Variants in PCED1B observed in about 807,000 individuals in gnomAD.
The protein encoded by PCED1B is PC-esterase domain-containing protein 1B.
For missense variants in PCED1B, 573 were observed against 573.9 expected, an observed-to-expected ratio of 1.00 and a Z score of 0.02; for synonymous variants, 251 against 246.1, an observed-to-expected ratio of 1.02 and a Z score of -0.19.
intron 1 of PCED1B, among the ~76,000 whole-genome samples, chr12:47,103,828 AGAGCACCT>A: frequency 6.6e-6 from 1 of 152,354 alleles, no homozygotes; most frequent in East Asian, 1.9e-4. Context: ...AAACTCCTGT[AGAGCACCT>A]GTGCACATAA....
intron 2 of PCED1B, among the ~76,000 whole-genome samples, chr12:47,117,131 C>T (rs976277841): frequency 2.0e-5 from 3 of 152,292 alleles, no homozygotes; most frequent in Non-Finnish European, 4.4e-5. Flanking sequence ...TACAGAAAGG[C>T]GTCACTGTGC....
At chr12:47,121,453 A>G (rs1251040643) in intron 2 of PCED1B, among the ~76,000 whole-genome samples, 5 of 152,368 alleles carry the variant, frequency 3.3e-5, no homozygotes, top group Admixed American at 2.0e-4. Flanking sequence ...CAAACTGAGT[A>G]TTTTAATTAA....
intron 1 of PCED1B, among the ~76,000 whole-genome samples, chr12:47,080,138 G>C: frequency 6.6e-6 from 1 of 152,114 alleles, no homozygotes; most frequent in African/African-American, 2.4e-5. Context: ...AGCGGGGAGG[G>C]GGCAGGGGTC....
chr12:47,089,488 A>ATATATATATG (rs1162227667), intron 1 of PCED1B, among the ~76,000 whole-genome samples: 3 of 93,464 alleles, frequency 3.2e-5, no homozygotes, highest in African/African-American at 7.6e-5. Context: ...ATATATATAT[A>ATATATATATG]TATATGTATA....
At chr12:47,219,050 A>G (rs1943392270) in intron 3 of PCED1B, among the ~76,000 whole-genome samples, 3 of 152,148 alleles carry the variant, frequency 2.0e-5, no homozygotes, top group Admixed American at 2.0e-4. Context: ...CTGAGGCAGG[A>G]GAATCACTTT....
chr12:47,139,454 G>C (rs1249595935), intron 2 of PCED1B, among the ~76,000 whole-genome samples: 1 of 152,164 alleles, frequency 6.6e-6, no homozygotes, highest in Non-Finnish European at 1.5e-5. Flanking sequence ...AAGTTTTTCA[G>C]GCAGAGGGAA....
intron 2 of PCED1B, among the ~76,000 whole-genome samples, chr12:47,202,088 CAAATA>C (rs1006026905): frequency 6.6e-6 from 1 of 152,108 alleles, no homozygotes; most frequent in African/African-American, 2.4e-5. Flanking sequence ...GTAAGCACCA[CAAATA>C]AAATATAAAT....
At chr12:47,080,571 G>A (rs1937648431) in intron 1 of PCED1B, among the ~76,000 whole-genome samples, 1 of 152,090 alleles carries the variant, frequency 6.6e-6, no homozygotes. Context: ...CCGGGAAATC[G>A]CCACGGGGAC....
At chr12:47,199,706 C>T (rs999068993) in intron 2 of PCED1B, among the ~76,000 whole-genome samples, 4 of 152,138 alleles carry the variant, frequency 2.6e-5, no homozygotes, top group Admixed American at 2.0e-4. Flanking sequence ...GACTTTGCAC[C>T]TTTCACAAAA....
intron 2 of PCED1B, among the ~76,000 whole-genome samples, chr12:47,186,412 G>A (rs2137632117): frequency 6.6e-6 from 1 of 152,128 alleles, no homozygotes; most frequent in South Asian, 2.1e-4. Context: ...AGATTCCTCT[G>A]GATGACATCT....
intron 2 of PCED1B, among the ~76,000 whole-genome samples, chr12:47,155,759 G>A (rs925186818): frequency 1.3e-5 from 2 of 152,146 alleles, no homozygotes; most frequent in Non-Finnish European, 2.9e-5. Context: ...GTTACTCTAC[G>A]GAATTGCTCT....
chr12:47,172,053 C>T (rs536246556), intron 2 of PCED1B, among the ~76,000 whole-genome samples: 1 of 152,156 alleles, frequency 6.6e-6, no homozygotes, highest in Non-Finnish European at 1.5e-5. Flanking sequence ...AGTGTGTGGA[C>T]CTTGGTAATA....
intron 2 of PCED1B, among the ~76,000 whole-genome samples, chr12:47,143,872 A>G (rs1013203639): frequency 4.6e-5 from 7 of 152,210 alleles, no homozygotes; most frequent in Admixed American, 2.0e-4. Context: ...ACATAGATAA[A>G]CAAAACAGAA....
intron 3 of PCED1B, among the ~76,000 whole-genome samples, chr12:47,219,986 T>C (rs1432821687): frequency 6.7e-6 from 1 of 149,330 alleles, no homozygotes; most frequent in Non-Finnish European, 1.5e-5. Flanking sequence ...GGAGGGAGGA[T>C]TGATTGAGCC....
chr12:47,236,510 G>T lies in PCED1B; in HGVS notation c.*148G>T. On this transcript the variant is annotated 3_prime_UTR_variant, in exon 4 of 4. Coordinates refer to ENST00000546455, the MANE Select transcript of PCED1B (RefSeq NM_138371.3). The stretch of plus-strand genomic sequence containing the variant: ...TCCTTTTGTTCATTGCTGTTACCAA[G>T]AAAGCCAAGGAAGAGCAGCCTGACT... 1 of 820,276 alleles carries T rather than the reference G, an allele frequency of 1.2e-6. No individual in the cohort carries two copies. The highest frequency in any genetic ancestry group is 2.9e-5 in the East Asian group (1 of 34,750). 50.8% of individuals were successfully genotyped at this position (820,276 alleles called of 1,614,324 possible). A position where few individuals can be genotyped will look rare whatever the true frequency, so the allele number is the denominator to read the frequency against.
intron 2 of PCED1B, among the ~76,000 whole-genome samples, chr12:47,193,088 A>T (rs1170117443): frequency 6.6e-6 from 1 of 152,230 alleles, no homozygotes; most frequent in Non-Finnish European, 1.5e-5. Flanking sequence ...TGTCTCTCCT[A>T]GCTGACTGCA....
intron 3 of PCED1B, among the ~76,000 whole-genome samples, chr12:47,231,616 C>T (rs1006327039): frequency 6.6e-6 from 1 of 152,082 alleles, no homozygotes; most frequent in African/African-American, 2.4e-5. Flanking sequence ...CATCTTCGCT[C>T]AAAAATATCT....
At chr12:47,139,553 G>A (rs550133867) in intron 2 of PCED1B, among the ~76,000 whole-genome samples, 68 of 152,160 alleles carry the variant, frequency 4.5e-4, no homozygotes, top group East Asian at 5.8e-4. Flanking sequence ...ACAGTGAAAA[G>A]GGGAGAGAGA....
intron 2 of PCED1B, among the ~76,000 whole-genome samples, chr12:47,107,974 T>C (rs1939030651): frequency 6.6e-6 from 1 of 152,140 alleles, no homozygotes; most frequent in African/African-American, 2.4e-5. Flanking sequence ...AAAATAAGGA[T>C]GTAAATAATT....
Sources: allele counts gnomAD v4.1 joint callset (sites outside exome capture counted in the v4.1 genomes callset), GRCh38; gene constraint gnomAD v4.1.1; transcripts MANE v1.5; gene names NCBI Gene and HGNC (gene_info 2026-07-23, HGNC 2026-07-21).